ADGRL4: variants seen among roughly 807,000 people sequenced by gnomAD.
The protein encoded by ADGRL4 is adhesion G protein-coupled receptor L4, also known as EGF, latrophilin and seven transmembrane domain containing 1.
Under a neutral mutation model 74.8 loss-of-function variants are expected in ADGRL4, and 90 were observed. The observed-to-expected ratio is 1.20, with a 90% CI of 1.02 to 1.43. The LOEUF (loss-of-function observed/expected upper bound fraction) is 1.43. Ranked by LOEUF, ADGRL4 falls within the 40% of genes most tolerant of loss-of-function variation. The probability of loss-of-function intolerance (pLI) is 0.00; values close to 1 mark genes in which losing one functional copy is unlikely to be tolerated. For missense variants in ADGRL4, 881 were observed against 814.3 expected (o/e 1.08, Z -1.00); for synonymous variants, 311 against 279.2 (o/e 1.11, Z -1.14).
intron 2 of ADGRL4, among the ~76,000 whole-genome samples, chr1:78,977,343 A>G (rs1019699227): frequency 7.9e-5 from 12 of 151,800 alleles, no homozygotes; most frequent in Non-Finnish European, 1.6e-4. Flanking sequence ...GGTGAATTGT[A>G]TGGGAACTAG....
At chr1:78,927,503 A>G (rs1383448269) in intron 7 of ADGRL4, among the ~76,000 whole-genome samples, 3 of 152,146 alleles carry the variant, frequency 2.0e-5, no homozygotes, top group Non-Finnish European at 4.4e-5. Flanking sequence ...GGCTGATAGA[A>G]TCAAGAAAAT....
At position 78,936,353 on chromosome 1, in the gene ADGRL4, A is replaced by T; in HGVS notation, c.819T>A (p.Asn273Lys). 1.3e-6 allele frequency: 2 copies of T among 1,590,676 alleles called. No individual in the cohort carries two copies. Among genetic ancestry groups the T allele is most frequent in the Non-Finnish European group, 1.7e-6 (2 of 1,171,816 alleles). Residue 273 changes from asparagine to lysine, a missense_variant, in exon 7 of 15, where the codon AAT becomes AAA. Transcript: ENST00000370742. ...YNMKHIHPHM[N>K]MDGDYINIFP... Reference sequence around the variant, plus strand: ...ATATATTTATGTAGTCTCCATCCATATTCATATGAGGATGAATATGTTTCA... The same window carrying T: ...ATATATTTATGTAGTCTCCATCCATTTTCATATGAGGATGAATATGTTTCA...
At chr1:78,913,749 C>T (rs1319400066) in intron 12 of ADGRL4, among the ~76,000 whole-genome samples, 1 of 151,718 alleles carries the variant, frequency 6.6e-6, no homozygotes, top group African/African-American at 2.4e-5. Context: ...TGTAAAAAAC[C>T]TGCACATGTA....
At chr1:78,907,056 A>G (rs1057350591) in intron 12 of ADGRL4, among the ~76,000 whole-genome samples, 2 of 152,008 alleles carry the variant, frequency 1.3e-5, no homozygotes, top group African/African-American at 2.4e-5. Context: ...ACTCTTCACT[A>G]TCCATATTGC....
chr1:78,920,477 A>C, intron 9 of ADGRL4, 91 bp from the exon 10 acceptor site: 1 of 728,780 alleles, frequency 1.4e-6, no homozygotes, highest in Non-Finnish European at 2.2e-6. Context: ...TTTTTTGGTG[A>C]AACATTAATC....
intron 12 of ADGRL4, among the ~76,000 whole-genome samples, chr1:78,907,193 A>G (rs1203011802): frequency 6.6e-6 from 1 of 152,096 alleles, no homozygotes; most frequent in Non-Finnish European, 1.5e-5. Flanking sequence ...AGGTAGATAT[A>G]GTAATGATTT....
intron 2 of ADGRL4, among the ~76,000 whole-genome samples, chr1:78,982,785 C>T (rs923771118): frequency 6.6e-6 from 1 of 151,698 alleles, no homozygotes; most frequent in Non-Finnish European, 1.5e-5. Flanking sequence ...GGGTGTAAAA[C>T]AAAACCTCAG....
chr1:78,913,101 C>T (rs780364180), intron 12 of ADGRL4, among the ~76,000 whole-genome samples: 3 of 151,894 alleles, frequency 2.0e-5, no homozygotes, highest in Non-Finnish European at 4.4e-5. Context: ...CATCTCACAC[C>T]AGTCAGAATG....
At chr1:78,903,954 TA>T (rs1648571975) in intron 12 of ADGRL4, among the ~76,000 whole-genome samples, 172 of 103,372 alleles carry the variant, frequency 1.7e-3, no homozygotes, top group Non-Finnish European at 3.0e-3. Flanking sequence ...AATAAATAAA[TA>T]AATAAATAAA....
intron 12 of ADGRL4, among the ~76,000 whole-genome samples, chr1:78,904,852 C>T (rs1341849827): frequency 6.6e-6 from 1 of 151,976 alleles, no homozygotes; most frequent in Non-Finnish European, 1.5e-5. Context: ...TAAAGTACTC[C>T]AAAGAGTACC....
chr1:78,960,079 A>C (rs1040656973), intron 2 of ADGRL4, among the ~76,000 whole-genome samples: 1 of 152,214 alleles, frequency 6.6e-6, no homozygotes, highest in Admixed American at 6.5e-5. Flanking sequence ...CCCAAAAAAC[A>C]CAAAGATGAA....
intron 3 of ADGRL4, among the ~76,000 whole-genome samples, chr1:78,942,750 A>C (rs1353328606): frequency 6.6e-6 from 1 of 152,082 alleles, no homozygotes; most frequent in Non-Finnish European, 1.5e-5. Flanking sequence ...GCAACATAGC[A>C]AGAACCTGTC....
intron 2 of ADGRL4, among the ~76,000 whole-genome samples, chr1:79,003,698 G>A (rs1650888990): frequency 6.6e-6 from 1 of 151,852 alleles, no homozygotes; most frequent in South Asian, 2.1e-4. Flanking sequence ...GCTAAGCATG[G>A]CAATTGAAAA....
chr1:78,951,440 G>T (rs1649720790), intron 2 of ADGRL4, among the ~76,000 whole-genome samples: 1 of 152,046 alleles, frequency 6.6e-6, no homozygotes, highest in South Asian at 2.1e-4. Flanking sequence ...CTACACAGGG[G>T]GTTAAAATAA....
chr1:78,982,305 A>G (rs1650411376), intron 2 of ADGRL4, among the ~76,000 whole-genome samples: 1 of 151,902 alleles, frequency 6.6e-6, no homozygotes. Context: ...TATTCAAGGC[A>G]CAGATGGGGA....
chr1:78,941,391 C>G (rs947911824), intron 3 of ADGRL4, among the ~76,000 whole-genome samples: 1 of 152,090 alleles, frequency 6.6e-6, no homozygotes, highest in Non-Finnish European at 1.5e-5. Flanking sequence ...TGGGAAAACA[C>G]CCCAATGAAA....
At chr1:78,953,603 T>C (rs1649772944) in intron 2 of ADGRL4, among the ~76,000 whole-genome samples, 1 of 152,154 alleles carries the variant, frequency 6.6e-6, no homozygotes, top group Admixed American at 6.5e-5. Context: ...TAGAAATACA[T>C]GGATTCAGAG....
At position 78,939,068 on chromosome 1, in the gene ADGRL4, G is replaced by A. The variant is rs180900867; in HGVS notation, c.396+120C>T. On this transcript the variant is annotated intron_variant, in intron 4 of 14. Coordinates refer to ENST00000370742, the MANE Select transcript of ADGRL4 (RefSeq NM_022159.4). ...GATGCTTAGATCTCTATATGTAAAC[G>A]TTTTCGACTCTCCCTAAAGTTTGAC... The A allele has an allele frequency of 4.9e-5, 62 of 1,255,518 alleles. 1 individual carries two copies. In the African/African-American group the frequency reaches 5.0e-4, roughly 10 times the overall value. The allele number at this position is 1,255,518 out of a possible 1,614,324, so 77.8% of individuals were successfully genotyped here. A position where few individuals can be genotyped will look rare whatever the true frequency, so the allele number is the denominator to read the frequency against.
At chr1:78,987,669 A>C (rs1650525832) in intron 2 of ADGRL4, among the ~76,000 whole-genome samples, 1 of 151,822 alleles carries the variant, frequency 6.6e-6, no homozygotes, top group African/African-American at 2.4e-5. Context: ...GAACCTTACT[A>C]TACAGCATTC....
Sources: allele counts gnomAD v4.1 joint callset (sites outside exome capture counted in the v4.1 genomes callset), GRCh38; gene constraint gnomAD v4.1.1; transcripts MANE v1.5; gene names NCBI Gene and HGNC (gene_info 2026-07-23, HGNC 2026-07-21).